Variants in PLPPR1 observed in about 807,000 individuals in gnomAD.
PLPPR1 encodes the protein phospholipid phosphatase-related protein type 1.
A neutral mutation model predicts 33.1 loss-of-function variants in PLPPR1; 10 were observed. The ratio of observed to expected loss-of-function variants is 0.30; its 90% confidence interval spans 0.19 to 0.51. The LOEUF is 0.51. Among genes scored for constraint, PLPPR1 ranks in the 20% least tolerant of loss-of-function variants. The pLI is 0.97. For missense variants in PLPPR1, 304 were observed against 408.1 expected (o/e 0.74, Z 2.20); for synonymous variants, 151 against 151.0 (o/e 1.00, Z 0.00).
At chr9:101,047,937 A>G (rs1161457114) in intron 1 of PLPPR1, among the ~76,000 whole-genome samples, 2 of 152,152 alleles carry the variant, frequency 1.3e-5, no homozygotes, top group Non-Finnish European at 2.9e-5. Context: ...TAGAAACTGA[A>G]CCTTTAATGT....
intron 1 of PLPPR1, among the ~76,000 whole-genome samples, chr9:101,061,474 A>G (rs1830346879): frequency 6.6e-6 from 1 of 152,026 alleles, no homozygotes; most frequent in Non-Finnish European, 1.5e-5. Context: ...AAAGCAGCTC[A>G]GTCAGACATC....
intron 1 of PLPPR1, among the ~76,000 whole-genome samples, chr9:101,167,164 G>GTGTGTGTGTGTGTGTGTGTGTGTA: frequency 1.4e-5 from 1 of 71,772 alleles, no homozygotes; most frequent in South Asian, 5.9e-4. Context: ...GTGTGTGTGT[G>GTGTGTGTGTGTGTGTGTGTGTGTA]TGTGTGTGTG....
At chr9:101,062,204 A>G (rs898562171) in intron 1 of PLPPR1, among the ~76,000 whole-genome samples, 1 of 150,986 alleles carries the variant, frequency 6.6e-6, no homozygotes, top group Non-Finnish European at 1.5e-5. Flanking sequence ...TTTCCTTCAC[A>G]AACCTGAGCA....
intron 1 of PLPPR1, among the ~76,000 whole-genome samples, chr9:101,092,113 C>A (rs1830749123): frequency 6.6e-6 from 1 of 152,164 alleles, no homozygotes; most frequent in Non-Finnish European, 1.5e-5. Context: ...CTCTCTCTCA[C>A]CTCTGGGCCC....
At chr9:101,190,033 A>G (rs78531180) in intron 2 of PLPPR1, among the ~76,000 whole-genome samples, 3,230 of 152,138 alleles carry the variant, frequency 0.021, 109 homozygotes, top group African/African-American at 0.074. Flanking sequence ...AGGTGTTGAG[A>G]GTATCACTTT....
At chr9:101,234,396 A>G (rs1273015141) in intron 2 of PLPPR1, among the ~76,000 whole-genome samples, 1 of 151,864 alleles carries the variant, frequency 6.6e-6, no homozygotes, top group Non-Finnish European at 1.5e-5. Flanking sequence ...ACCTCCAGAG[A>G]ACTATCTCAA....
intron 1 of PLPPR1, among the ~76,000 whole-genome samples, chr9:101,176,930 C>T (rs1404315209): frequency 6.6e-6 from 1 of 152,058 alleles, no homozygotes; most frequent in Admixed American, 6.6e-5. Flanking sequence ...ATAGAACAGC[C>T]ATCATGCAAA....
chr9:101,298,167 C>A (rs561995017), intron 4 of PLPPR1, among the ~76,000 whole-genome samples: 1 of 152,118 alleles, frequency 6.6e-6, no homozygotes, highest in African/African-American at 2.4e-5. Flanking sequence ...TCCAAATATG[C>A]AAACATTAGA....
intron 3 of PLPPR1, among the ~76,000 whole-genome samples, chr9:101,277,919 A>T (rs1322931420): frequency 6.6e-6 from 1 of 152,212 alleles, no homozygotes; most frequent in East Asian, 1.9e-4. Context: ...CACTACTTTC[A>T]TATTCAAATC....
At chr9:101,156,951 G>C (rs959821321) in intron 1 of PLPPR1, among the ~76,000 whole-genome samples, 1 of 152,106 alleles carries the variant, frequency 6.6e-6, no homozygotes, top group African/African-American at 2.4e-5. Flanking sequence ...TTTATATACT[G>C]GTGAGCCTGA....
intron 1 of PLPPR1, among the ~76,000 whole-genome samples, chr9:101,073,745 A>C (rs1830506468): frequency 6.6e-6 from 1 of 152,178 alleles, no homozygotes; most frequent in Non-Finnish European, 1.5e-5. Context: ...GTGTTCAGCT[A>C]GAAAAATAAA....
intron 1 of PLPPR1, among the ~76,000 whole-genome samples, chr9:101,111,934 A>G (rs919943598): frequency 1.3e-5 from 2 of 152,194 alleles, no homozygotes; most frequent in African/African-American, 2.4e-5. Flanking sequence ...TCAAATACCA[A>G]TGTTTTTAAA....
chr9:101,174,881 T>C (rs1349927126), intron 1 of PLPPR1, among the ~76,000 whole-genome samples: 1 of 152,168 alleles, frequency 6.6e-6, no homozygotes, highest in Admixed American at 6.6e-5. Context: ...TGACTGTCAA[T>C]ATTGATTTTT....
At chr9:101,265,725 G>A (rs553012515) in intron 2 of PLPPR1, among the ~76,000 whole-genome samples, 85 of 152,152 alleles carry the variant, frequency 5.6e-4, no homozygotes, top group Admixed American at 9.2e-4. Context: ...GGCCGGGTAC[G>A]GTGGCTCAAG....
chr9:101,055,360 A>C (rs1454395508), intron 1 of PLPPR1, among the ~76,000 whole-genome samples: 1 of 152,200 alleles, frequency 6.6e-6, no homozygotes, highest in Non-Finnish European at 1.5e-5. Flanking sequence ...ATGTATTGTG[A>C]GTTCTTATTT....
At chr9:101,102,227 G>C (rs1830912969) in intron 1 of PLPPR1, among the ~76,000 whole-genome samples, 1 of 118,920 alleles carries the variant, frequency 8.4e-6, no homozygotes, top group South Asian at 3.2e-4. Context: ...CATGTGACAT[G>C]CTGGTGCGCT....
At chr9:101,302,151 G>A (rs1223351998) in intron 4 of PLPPR1, among the ~76,000 whole-genome samples, 1 of 152,202 alleles carries the variant, frequency 6.6e-6, no homozygotes, top group East Asian at 1.9e-4. Context: ...TTCCTCACCT[G>A]TAAAATGTAG....
intron 2 of PLPPR1, among the ~76,000 whole-genome samples, chr9:101,235,297 A>G (rs1254950009): frequency 6.6e-6 from 1 of 151,846 alleles, no homozygotes; most frequent in Non-Finnish European, 1.5e-5. Context: ...GTTGTACTGA[A>G]TAAGTTTCGA....
intron 1 of PLPPR1, among the ~76,000 whole-genome samples, chr9:101,148,358 C>T (rs1231995651): frequency 6.6e-6 from 1 of 152,154 alleles, no homozygotes; most frequent in Non-Finnish European, 1.5e-5. Context: ...CTGCAAAAAG[C>T]TCTTAAAGAG....
Sources: allele counts gnomAD v4.1 joint callset (sites outside exome capture counted in the v4.1 genomes callset), GRCh38; gene constraint gnomAD v4.1.1; transcripts MANE v1.5; gene names NCBI Gene and HGNC (gene_info 2026-07-23, HGNC 2026-07-21).